Variants in THSD4 observed in about 807,000 individuals in gnomAD.
THSD4 encodes thrombospondin type-1 domain-containing protein 4.
Under a neutral mutation model 119.0 loss-of-function variants are expected in THSD4, and 69 were observed. The observed-to-expected ratio is 0.58, with a 90% confidence interval of 0.48 to 0.71. The LOEUF (loss-of-function observed/expected upper bound fraction) is 0.71, where lower values mean the gene tolerates loss of function less well. THSD4 is among the 30% of genes least tolerant of loss of function. The pLI is 0.00. For synonymous variants in THSD4, 524 were observed against 540.4 expected, an observed-to-expected ratio of 0.97 and a Z score of 0.42; for missense variants, 1,393 against 1,391.1, an observed-to-expected ratio of 1.00 and a Z score of -0.02.
chr15:71,156,416 C>A (rs992780263), intron 3 of THSD4, among the ~76,000 whole-genome samples: 3 of 152,080 alleles, frequency 2.0e-5, no homozygotes, highest in Non-Finnish European at 4.4e-5. Context: ...CGCCACCACA[C>A]CCAGCTGATT....
chr15:71,476,883 G>T (rs1372240533), intron 7 of THSD4, among the ~76,000 whole-genome samples: 1 of 152,152 alleles, frequency 6.6e-6, no homozygotes, highest in Non-Finnish European at 1.5e-5. Flanking sequence ...AGGAGCCCCA[G>T]CTGCCTCATC....
At chr15:71,557,281 A>C (rs1359499071) in intron 7 of THSD4, among the ~76,000 whole-genome samples, 2 of 152,346 alleles carry the variant, frequency 1.3e-5, no homozygotes, top group Admixed American at 6.5e-5. Flanking sequence ...AAATTACAGA[A>C]ACAGATTTTA....
At position 71,440,010 on chromosome 15, in the gene THSD4, A is replaced by G. The variant is rs140549526; in HGVS notation, c.1152+28187A>G. Among the ~76,000 whole-genome samples the G allele has an allele frequency of 1.9e-4, 29 of 152,186 alleles. No individual in the cohort carries two copies. The East Asian group carries it at 5.4e-3, about 28-fold the overall frequency. On this transcript the variant is annotated intron_variant, in intron 7 of 17. Coordinates refer to ENST00000261862, the MANE Select transcript of THSD4 (RefSeq NM_024817.3). ...GCACATGTACCCCAGAACTTAAAGT[A>G]TAATAATAATAAAAAAAGAATATTC...
At chr15:71,751,908 CTCT>C (rs1242514236) in intron 14 of THSD4, among the ~76,000 whole-genome samples, 23 of 152,236 alleles carry the variant, frequency 1.5e-4, no homozygotes, top group African/African-American at 5.3e-4. Context: ...TTATATGCAC[CTCT>C]TCTTATCTCT....
Position 71,235,140 on chromosome 15 carries a change from A to G in THSD4, c.465-7509A>G, listed in dbSNP as rs1451198060. ...CTCCCTCTCCTAGCTTAAAGTGCCA[A>G]TGCTTTGTATCAATGCCAGGAGAAA... is the stretch of plus-strand genomic sequence containing the variant. On this transcript the variant is annotated intron_variant, in intron 4 of 17. Transcript: ENST00000261862. Among the ~76,000 whole-genome samples the G allele has an allele frequency of 2.0e-5, 3 of 152,228 alleles. No homozygotes were observed. In the East Asian group the frequency reaches 5.8e-4, roughly 29 times the overall value.
chr15:71,645,076 A>G (rs1490639466), intron 7 of THSD4, among the ~76,000 whole-genome samples: 1 of 152,154 alleles, frequency 6.6e-6, no homozygotes, highest in African/African-American at 2.4e-5. Flanking sequence ...TGCAGCCCTC[A>G]ATCATATACA....
At chr15:71,192,226 A>T (rs1318436964) in intron 3 of THSD4, among the ~76,000 whole-genome samples, 1 of 151,764 alleles carries the variant, frequency 6.6e-6, no homozygotes, top group Admixed American at 6.6e-5. Context: ...AAACTGTCCA[A>T]ATTCCAAAAG....
chr15:71,287,215 T>C (rs1339024705), intron 6 of THSD4, among the ~76,000 whole-genome samples: 1 of 152,172 alleles, frequency 6.6e-6, no homozygotes, highest in Non-Finnish European at 1.5e-5. Context: ...GAGTAGACTT[T>C]TGGGTGGCTT....
chr15:71,645,090 TAC>T (rs2050942376), intron 7 of THSD4, among the ~76,000 whole-genome samples: 1 of 152,084 alleles, frequency 6.6e-6, no homozygotes, highest in African/African-American at 2.4e-5. Context: ...ATATACAGAA[TAC>T]AGTCTCAAAG....
At chr15:71,745,544 C>A (rs2053319584) in intron 12 of THSD4, among the ~76,000 whole-genome samples, 1 of 152,080 alleles carries the variant, frequency 6.6e-6, no homozygotes, top group South Asian at 2.1e-4. Context: ...TAGTTGGTGT[C>A]GTAGGTGAGC....
At chr15:71,623,694 G>A (rs1398528709) in intron 7 of THSD4, among the ~76,000 whole-genome samples, 1 of 152,132 alleles carries the variant, frequency 6.6e-6, no homozygotes, top group African/African-American at 2.4e-5. Context: ...GGCCGAGGTG[G>A]GCGGGATCAC....
chr15:71,416,736 GTTTTGTTTTGTTTTATTTTATTTTA>G lies in THSD4; in HGVS notation c.1152+4918_1152+4942del, dbSNP rs1360668548. Among the ~76,000 whole-genome samples the G allele has an allele frequency of 1.4e-4, 5 of 36,016 alleles. 1 individual carries two copies. Among genetic ancestry groups the G allele is most frequent in the African/African-American group, 3.4e-4 (5 of 14,804 alleles). 23.6% of individuals were successfully genotyped at this position (36,016 alleles called of 152,430 possible). Reference sequence around the variant, plus strand: ...ATTTTGTTTTGTTTTGTTTTGTTTTGTTTTGTTTTGTTTTATTTTATTTTATTTTATTTTATTTTCGAGATGGAGT... The same window carrying G: ...ATTTTGTTTTGTTTTGTTTTGTTTTGTTTTATTTTATTTTCGAGATGGAGT... On this transcript the variant is annotated intron_variant, in intron 7 of 17. Coordinates refer to ENST00000261862, the MANE Select transcript of THSD4 (RefSeq NM_024817.3).
chr15:71,542,191 A>G (rs570184531), intron 7 of THSD4, among the ~76,000 whole-genome samples: 12 of 152,346 alleles, frequency 7.9e-5, no homozygotes, highest in Admixed American at 3.9e-4. Flanking sequence ...ACTGCAGGCA[A>G]GATCTACAGA....
At chr15:71,137,613 C>T (rs1333310735) in intron 1 of THSD4, among the ~76,000 whole-genome samples, 3 of 152,102 alleles carry the variant, frequency 2.0e-5, no homozygotes, top group Non-Finnish European at 4.4e-5. Context: ...TGAGTGGTGA[C>T]CCCCAGTTTG....
intron 7 of THSD4, among the ~76,000 whole-genome samples, chr15:71,513,128 C>A (rs1158221540): frequency 6.6e-6 from 1 of 151,962 alleles, no homozygotes; most frequent in Non-Finnish European, 1.5e-5. Context: ...ACCAGACATC[C>A]ACACACCACT....
intron 2 of THSD4, among the ~76,000 whole-genome samples, chr15:71,146,438 C>G (rs1261856757): frequency 1.3e-5 from 2 of 148,220 alleles, no homozygotes; most frequent in African/African-American, 5.2e-5. Flanking sequence ...CCTAATTTGC[C>G]AGTAGTTTTT....
At chr15:71,221,176 GA>G (rs1276603107) in intron 4 of THSD4, among the ~76,000 whole-genome samples, 2 of 152,148 alleles carry the variant, frequency 1.3e-5, no homozygotes, top group African/African-American at 4.8e-5. Flanking sequence ...TCAGTTTCTG[GA>G]AATGGGTACC....
chr15:71,338,727 G>A (rs552385082), intron 6 of THSD4, among the ~76,000 whole-genome samples: 2 of 152,254 alleles, frequency 1.3e-5, no homozygotes, highest in African/African-American at 4.8e-5. Flanking sequence ...CCCTTAACTG[G>A]CCTCTTGCAG....
intron 8 of THSD4, among the ~76,000 whole-genome samples, chr15:71,662,311 A>T (rs2051326685): frequency 6.6e-6 from 1 of 152,170 alleles, no homozygotes; most frequent in African/African-American, 2.4e-5. Context: ...AGACAAACCC[A>T]ATCAAAGAAA....
Sources: gnomAD v4.1 joint callset for allele counts (sites outside exome capture counted in the v4.1 genomes callset) on GRCh38, gnomAD v4.1.1 for gene constraint, MANE v1.5 for transcripts, NCBI Gene and HGNC (gene_info 2026-07-23, HGNC 2026-07-21) for gene names.